Variants in FAT1 observed in about 807,000 individuals in gnomAD.
The protein encoded by FAT1 is protocadherin Fat 1.
FAT1 carries 171 observed loss-of-function variants against 329.8 expected under a neutral mutation model. The ratio of observed to expected loss-of-function variants is 0.52; its 90% confidence interval spans 0.46 to 0.59. The LOEUF is 0.59. Ranked by LOEUF, FAT1 falls within the 20% of genes least tolerant of loss-of-function variation. The probability of loss-of-function intolerance (pLI) is 0.00; values close to 1 mark genes in which losing one functional copy is unlikely to be tolerated. For missense variants in FAT1, 5,672 were observed against 5,774.4 expected (o/e 0.98, Z 0.57); for synonymous variants, 2,233 against 2,228.6 (o/e 1.00, Z -0.06).
Position 186,618,781 on chromosome 4 carries a change from T to C in FAT1, c.7805A>G (p.Glu2602Gly). The change falls in exon 10 of 27, where the codon GAA becomes GGA. Residue 2602 changes from glutamate to glycine, a missense_variant. By Grantham distance (98) the Glu-to-Gly change is moderately conservative. This residue lies in a region of FAT1 where 3,966 missense variants were observed against 3,915.2 expected (regional missense o/e 1.01). Transcript: ENST00000441802. ...AGCAGCACTGGACCCGATATTCACT[T>C]CGTATTTGGTTGCTCGAAATTGTGG... ...NAPQFRATKY[E>G]VNIGSSAAKG... 6.2e-7 allele frequency: 1 copy of C among 1,614,012 alleles called. No homozygotes were observed. The highest frequency in any genetic ancestry group is 8.5e-7 in the Non-Finnish European group (1 of 1,179,892).
In FAT1 at chr4:186,588,035, C is replaced by T. The variant is rs1738037236; in HGVS notation, c.*557G>A. The T allele has an allele frequency of 4.6e-6, 1 of 217,460 alleles. No individual in the cohort carries two copies. The highest frequency in any genetic ancestry group is 9.2e-6 in the Non-Finnish European group (1 of 108,204). The allele number at this position is 217,460 out of a possible 1,614,324, so 13.5% of individuals were successfully genotyped here. A position where few individuals can be genotyped will look rare whatever the true frequency, so the allele number is the denominator to read the frequency against. On this transcript the variant is annotated 3_prime_UTR_variant, in exon 27 of 27. Coordinates refer to ENST00000441802, the MANE Select transcript of FAT1 (RefSeq NM_005245.4). ...TTCATGTATCTGATCTCTCCTTCATCCTATGTACAGCTAGAAATGAATGAC... is the reference window on the plus strand; with the variant it reads ...TTCATGTATCTGATCTCTCCTTCATTCTATGTACAGCTAGAAATGAATGAC...
intron 3 of FAT1, among the ~76,000 whole-genome samples, chr4:186,643,892 G>C (rs193155621): frequency 3.1e-4 from 46 of 147,382 alleles, no homozygotes; most frequent in African/African-American, 1.1e-3. Context: ...TAGGTAGTAA[G>C]TGTCCTAGTA....
rs2126702460 is a variant in FAT1, at chr4:186,709,221, C to T, written c.607G>A (p.Val203Met). 3.1e-6 allele frequency: 5 copies of T among 1,614,038 alleles called. No homozygotes were observed. Among genetic ancestry groups the T allele is most frequent in the Non-Finnish European group, 4.2e-6 (5 of 1,179,908 alleles). ...TCAAGTCTACCAGTTAACACTATCA[C>T]ACCACTGGTTGGGTGAATAGCAAAC... Reference protein sequence around the residue: ...DMFAIHPTSGVIVLTGRLDYL... With the variant: ...DMFAIHPTSGMIVLTGRLDYL... The change falls in exon 2 of 27, where the codon GTG becomes ATG. Residue 203 changes from valine (V) to methionine (M), a missense_variant. Around this residue, in one of 2 missense-constraint regions of FAT1, gnomAD observed 3,966 missense variants for 3,915.2 expected, o/e 1.01. Coordinates refer to ENST00000441802, the MANE Select transcript of FAT1 (RefSeq NM_005245.4).
In FAT1 at chr4:186,639,024, G is replaced by A. The variant is rs898537667; in HGVS notation, c.3642+698C>T. Among the ~76,000 whole-genome samples, 15 of 149,436 alleles carry A rather than the reference G, an allele frequency of 1.0e-4. 1 individual carries two copies. The highest frequency in any genetic ancestry group is 3.3e-4 in the African/African-American group (13 of 38,896). On this transcript the variant is annotated intron_variant, in intron 4 of 26. Coordinates refer to ENST00000441802, the MANE Select transcript of FAT1 (RefSeq NM_005245.4). ...CACCTTCCCTCTCCAAATTACTCGCGGCCTTTTTCTGCAATGTATTTACTA... is the reference window on the plus strand; with the variant it reads ...CACCTTCCCTCTCCAAATTACTCGCAGCCTTTTTCTGCAATGTATTTACTA...
At chr4:186,711,731 A>G (rs1462847024) in intron 1 of FAT1, among the ~76,000 whole-genome samples, 1 of 152,238 alleles carries the variant, frequency 6.6e-6, no homozygotes, top group East Asian at 1.9e-4. Flanking sequence ...CAGCCTGGCC[A>G]AAACATGGTG....
At chr4:186,671,507 G>C (rs528649380) in intron 2 of FAT1, among the ~76,000 whole-genome samples, 1 of 152,172 alleles carries the variant, frequency 6.6e-6, no homozygotes, top group East Asian at 1.9e-4. Flanking sequence ...AGACCAGCCT[G>C]CCCAACATGT....
At position 186,619,931 on chromosome 4, in the gene FAT1, T is replaced by C. The variant is rs1031874199; in HGVS notation, c.6655A>G (p.Thr2219Ala). 11 of 1,614,020 alleles carry C rather than the reference T, an allele frequency of 6.8e-6. No individual in the cohort carries two copies. Among genetic ancestry groups the C allele is most frequent in the Non-Finnish European group, 9.3e-6 (11 of 1,179,890 alleles). ...AACTGGCTGAAAGGGTCTCCGTCTG[T>C]GATGCTGTAGAACACTTTCAGGCCT... is the stretch of plus-strand genomic sequence containing the variant. ...PEGLKVFYSI[T>A]DGDPFSQFTI... Residue 2219 changes from threonine to alanine, a missense_variant, in exon 10 of 27, where the codon ACA becomes GCA. Physicochemically the swap from Thr to Ala is moderately conservative, Grantham distance 58. Around this residue, in one of 2 missense-constraint regions of FAT1, gnomAD observed 3,966 missense variants for 3,915.2 expected, o/e 1.01. Coordinates refer to ENST00000441802, the MANE Select transcript of FAT1 (RefSeq NM_005245.4).
intron 9 of FAT1, among the ~76,000 whole-genome samples, chr4:186,623,999 C>A (rs1039466881): frequency 6.6e-6 from 1 of 152,106 alleles, no homozygotes; most frequent in Admixed American, 6.6e-5. Context: ...AGGCAGAAAT[C>A]ATCAGATTTG....
intron 2 of FAT1, among the ~76,000 whole-genome samples, chr4:186,703,327 A>G (rs1173463921): frequency 6.6e-6 from 1 of 152,236 alleles, no homozygotes; most frequent in Non-Finnish European, 1.5e-5. Flanking sequence ...TACTTCTACA[A>G]AAACAGAAAA....
Position 186,621,239 on chromosome 4 carries a change from C to T in FAT1, c.5347G>A (p.Val1783Met), listed in dbSNP as rs572509773. 1.9e-5 allele frequency: 31 copies of T among 1,613,870 alleles called. No homozygotes were observed. The highest frequency in any genetic ancestry group is 4.5e-5 in the East Asian group (2 of 44,900). Residue 1783 changes from valine (V) to methionine (M), a missense_variant, in exon 10 of 27, where the codon GTG becomes ATG. Physicochemically the swap from Val to Met is conservative, Grantham distance 21. Around this residue, in one of 2 missense-constraint regions of FAT1, gnomAD observed 3,966 missense variants for 3,915.2 expected, o/e 1.01. Transcript: ENST00000441802. ...LISESASINSVVLTDRNVPLV... is the reference protein window; with the variant it reads ...LISESASINSMVLTDRNVPLV... ...GGGACATTCCTGTCTGTTAGGACCACGCTGTTAATTGAGGCTGATTCACTA... is the reference window on the plus strand; with the variant it reads ...GGGACATTCCTGTCTGTTAGGACCATGCTGTTAATTGAGGCTGATTCACTA...
rs765522336 is a variant in FAT1, at chr4:186,708,758, G to T, written c.1070C>A (p.Ser357Tyr). Residue 357 changes from serine (S) to tyrosine (Y), a missense_variant, in exon 2 of 27, where the codon TCT becomes TAT. Ser to Tyr is a moderately radical substitution (Grantham distance 144). This residue lies in a region of FAT1 where 3,966 missense variants were observed against 3,915.2 expected (regional missense o/e 1.01). Coordinates refer to ENST00000441802, the MANE Select transcript of FAT1 (RefSeq NM_005245.4). ...GACTGGCCCGGCTTTGAACTGTGGA[G>T]AAGTCACGTGAATGACTTTAACAGA... ...FSSVKVIHVT[S>Y]PQFKAGPVKF... 6.2e-7 allele frequency: 1 copy of T among 1,613,988 alleles called. No individual in the cohort carries two copies. Among genetic ancestry groups the T allele is most frequent in the South Asian group, 1.1e-5 (1 of 91,086 alleles).
chr4:186,685,798 T>C (rs1743429263), intron 2 of FAT1, among the ~76,000 whole-genome samples: 1 of 152,246 alleles, frequency 6.6e-6, no homozygotes, highest in African/African-American at 2.4e-5. Flanking sequence ...AAGAGAATAC[T>C]GGCAGGTCCT....
At chr4:186,637,619 G>A (rs148063506) in intron 4 of FAT1, among the ~76,000 whole-genome samples, 1 of 152,142 alleles carries the variant, frequency 6.6e-6, no homozygotes. Context: ...AGAGAGTCTT[G>A]AGGACTGCAC....
At chr4:186,710,665 AAC>A (rs1219577030) in intron 1 of FAT1, among the ~76,000 whole-genome samples, 1 of 152,174 alleles carries the variant, frequency 6.6e-6, no homozygotes, top group Admixed American at 6.5e-5. Context: ...CACTGCTGTC[AAC>A]AACCAGTTGT....
Position 186,588,379 on chromosome 4 carries a change from A to G in FAT1, c.*213T>C. 1.8e-6 allele frequency: 1 copy of G among 556,716 alleles called. No homozygotes were observed. The highest frequency in any genetic ancestry group is 3.0e-5 in the South Asian group (1 of 33,772). The allele number at this position is 556,716 out of a possible 1,614,324, so 34.5% of individuals were successfully genotyped here. A position where few individuals can be genotyped will look rare whatever the true frequency, so the allele number is the denominator to read the frequency against. The stretch of plus-strand genomic sequence containing the variant: ...CACAGACAGATGTAAATCCCAAAAG[A>G]CGTTGGGAAATGGCACAGCCGATGA... On this transcript the variant is annotated 3_prime_UTR_variant, in exon 27 of 27. Transcript: ENST00000441802.
In FAT1 at chr4:186,603,379, T is replaced by A. The variant is rs2126427298; in HGVS notation, c.11147A>T (p.Asn3716Ile). The A allele has an allele frequency of 6.8e-6, 11 of 1,613,864 alleles. No homozygotes were observed. The highest frequency in any genetic ancestry group is 8.5e-6 in the Non-Finnish European group (10 of 1,179,874). Residue 3716 changes from asparagine to isoleucine, a missense_variant, in exon 19 of 27, where the codon AAC becomes ATC. Asn to Ile is a moderately radical substitution (Grantham distance 149). Transcript: ENST00000441802. The stretch of plus-strand genomic sequence containing the variant: ...TTCCTCAATGTCAGTCACGGAAGAG[T>A]TAATCTTGTGCAGAAGTTGTTTTGT... ...ISTKQLLHKI[N>I]SSVTDIEEII...
chr4:186,683,661 C>G (rs1412273601), intron 2 of FAT1, among the ~76,000 whole-genome samples: 1 of 152,098 alleles, frequency 6.6e-6, no homozygotes, highest in Admixed American at 6.5e-5. Context: ...GGCACACTTG[C>G]CACTCTTCTC....
intron 9 of FAT1, among the ~76,000 whole-genome samples, chr4:186,626,474 C>T (rs13108055): frequency 2.6e-5 from 2 of 76,582 alleles, no homozygotes; most frequent in East Asian, 5.1e-4. Flanking sequence ...CATGGCACCT[C>T]GCACATAAAC....
upstream of FAT1, chr4:186,723,907 C>T (rs1323753060): frequency 6.6e-6 from 1 of 150,862 alleles, no homozygotes; most frequent in East Asian, 2.0e-4. Context: ...GGCGCCGGCG[C>T]TCATTTCTCG....
Sources: gnomAD v4.1 joint callset for allele counts (sites outside exome capture counted in the v4.1 genomes callset) on GRCh38, gnomAD v4.1.1 for gene constraint, gnomAD v4.1.1 regional missense constraint, MANE v1.5 for transcripts, NCBI Gene and HGNC (gene_info 2026-07-23, HGNC 2026-07-21) for gene names.